SLCO1A2: variants seen among roughly 807,000 people sequenced by gnomAD.
SLCO1A2 encodes solute carrier organic anion transporter family member 1A2.
A neutral mutation model predicts 69.0 loss-of-function variants in SLCO1A2; 67 were observed. That is an observed-to-expected ratio of 0.97 (90% CI 0.80 to 1.19). The LOEUF (loss-of-function observed/expected upper bound fraction) is 1.19, where lower values mean the gene tolerates loss of function less well. Among genes scored for constraint, SLCO1A2 ranks in the 50% most tolerant of loss-of-function variants. The pLI is 0.00. For missense variants in SLCO1A2, 787 were observed against 793.7 expected (o/e 0.99, Z 0.10); for synonymous variants, 260 against 265.9 (o/e 0.98, Z 0.22).
At chr12:21,378,322 T>G in intron 1 of SLCO1A2, 2 of 1,614,120 alleles carry the variant, frequency 1.2e-6, no homozygotes, top group Non-Finnish European at 1.7e-6. Context: ...CAGCAACAAC[T>G]TTGGTGCCAT....
intron 1 of SLCO1A2, among the ~76,000 whole-genome samples, chr12:21,407,474 A>G (rs1349845329): frequency 1.3e-5 from 2 of 152,210 alleles, no homozygotes; most frequent in Non-Finnish European, 2.9e-5. Flanking sequence ...GGTGTGAAGC[A>G]GAAAAATTAC....
At chr12:21,375,372 C>T (rs1337949389) in intron 1 of SLCO1A2, among the ~76,000 whole-genome samples, 1 of 152,124 alleles carries the variant, frequency 6.6e-6, no homozygotes, top group East Asian at 1.9e-4. Context: ...TACTATTCTA[C>T]ATATCTCACA....
At chr12:21,276,227 GAACA>G (rs903823838) in intron 12 of SLCO1A2, among the ~76,000 whole-genome samples, 4 of 151,910 alleles carry the variant, frequency 2.6e-5, no homozygotes, top group African/African-American at 9.7e-5. Context: ...CAAATTATGA[GAACA>G]AATAAGAAAG....
intron 1 of SLCO1A2, among the ~76,000 whole-genome samples, chr12:21,382,374 A>T (rs138234021): frequency 4.6e-5 from 7 of 152,320 alleles, no homozygotes; most frequent in Non-Finnish European, 8.8e-5. Context: ...CATCAGTCAG[A>T]TATAATGTAC....
At chr12:21,290,879 C>T (rs1946741964) in intron 12 of SLCO1A2, among the ~76,000 whole-genome samples, 1 of 151,994 alleles carries the variant, frequency 6.6e-6, no homozygotes, top group Non-Finnish European at 1.5e-5. Flanking sequence ...AGAAAGAAGA[C>T]AGACTAAGTG....
At chr12:21,309,370 A>T (rs1032765444) in intron 4 of SLCO1A2, among the ~76,000 whole-genome samples, 1 of 152,208 alleles carries the variant, frequency 6.6e-6, no homozygotes, top group African/African-American at 2.4e-5. Flanking sequence ...ACAGATTTAT[A>T]CCAAGACAAT....
At chr12:21,332,803 G>A (rs548131663) in intron 2 of SLCO1A2, among the ~76,000 whole-genome samples, 14 of 152,036 alleles carry the variant, frequency 9.2e-5, no homozygotes, top group South Asian at 8.3e-4. Flanking sequence ...ATCACCTCTC[G>A]AAGGCCCCAC....
At chr12:21,398,748 A>T (rs1039596424), upstream of SLCO1A2, among the ~76,000 whole-genome samples, 1 of 150,704 alleles carries the variant, frequency 6.6e-6, no homozygotes, top group Non-Finnish European at 1.5e-5. Context: ...TGTAATCCAC[A>T]TATAAACAGA....
At chr12:21,340,358 T>C (rs1242551269) in intron 2 of SLCO1A2, among the ~76,000 whole-genome samples, 2 of 152,036 alleles carry the variant, frequency 1.3e-5, no homozygotes, top group Non-Finnish European at 2.9e-5. Flanking sequence ...TACACCGTAT[T>C]TGTTACCATT....
chr12:21,372,003 CAAAAAAAAAG>C (rs375081900), intron 2 of SLCO1A2, among the ~76,000 whole-genome samples: 2,828 of 122,606 alleles, frequency 0.023, 94 homozygotes, highest in African/African-American at 0.08. Flanking sequence ...AACTTCATCT[CAAAAAAAAAG>C]AAAAAAAAAG....
In SLCO1A2 at chr12:21,275,431, A is replaced by G; in HGVS notation, c.1611-7T>C. On this transcript the variant is annotated splice_region_variant and splice_polypyrimidine_tract_variant and intron_variant, in intron 12 of 14. Coordinates refer to ENST00000683939, the MANE Select transcript of SLCO1A2 (RefSeq NM_001386879.1). Reference sequence around the variant, plus strand: ...CTCTTCAGATTTCATACACCTGAAAAGTAAATAAGTTTGTAAATAAAAGAA... The same window carrying G: ...CTCTTCAGATTTCATACACCTGAAAGGTAAATAAGTTTGTAAATAAAAGAA... 1 of 1,457,224 alleles carries G rather than the reference A, an allele frequency of 6.9e-7. No homozygotes were observed. The highest frequency in any genetic ancestry group is 9.2e-7 in the Non-Finnish European group (1 of 1,088,792). The allele number at this position is 1,457,224 out of a possible 1,614,324, so 90.3% of individuals were successfully genotyped here.
At position 21,376,535 on chromosome 12, in the gene SLCO1A2, G is replaced by A. The variant is rs190459298; in HGVS notation, c.-189-2010C>T. Among the ~76,000 whole-genome samples, 152 of 152,186 alleles carry A rather than the reference G, an allele frequency of 1.0e-3. 1 individual carries two copies. Among genetic ancestry groups the A allele is most frequent in the Non-Finnish European group, 1.7e-3 (115 of 67,970 alleles). On this transcript the variant is annotated intron_variant, in intron 1 of 15. Transcript: ENST00000307378. The stretch of plus-strand genomic sequence containing the variant: ...ATAGGTTAAATAATTAGATCCCAAA[G>A]TGGTTTTCTTTGCCCAGATAATTTG...
rs1039112335 is a variant in SLCO1A2 at position 21,365,618 on chromosome 12, G to A, written c.-63+8781C>T. Among the ~76,000 whole-genome samples the A allele has an allele frequency of 6.6e-5, 10 of 152,184 alleles. No homozygotes were observed. The South Asian group carries it at 1.0e-3, about 16-fold the overall frequency. ...CATCAGAGTGAACAGGCAACCTACA[G>A]AATGGGAGAAAATTTTTACAATCTA... On this transcript the variant is annotated intron_variant, in intron 2 of 15. Coordinates refer to the SLCO1A2 transcript ENST00000307378.
At chr12:21,386,947 A>T (rs1353412363) in intron 1 of SLCO1A2, among the ~76,000 whole-genome samples, 1 of 152,148 alleles carries the variant, frequency 6.6e-6, no homozygotes, top group Non-Finnish European at 1.5e-5. Flanking sequence ...GCTTTGATCA[A>T]AACACCGATA....
chr12:21,270,193 T>A (rs1942557422), intron 14 of SLCO1A2, among the ~76,000 whole-genome samples: 1 of 151,836 alleles, frequency 6.6e-6, no homozygotes, highest in South Asian at 2.1e-4. Flanking sequence ...AGGAAGTTAT[T>A]TTCTATTGTG....
chr12:21,330,874 A>T (rs61927787), intron 2 of SLCO1A2, among the ~76,000 whole-genome samples: 17,473 of 152,180 alleles, frequency 0.11, 1,096 homozygotes, highest in Non-Finnish European at 0.15. Flanking sequence ...ATTACAACTT[A>T]CACAGACCAT....
intron 2 of SLCO1A2, among the ~76,000 whole-genome samples, chr12:21,371,953 G>T (rs1394119487): frequency 6.6e-6 from 1 of 151,330 alleles, no homozygotes; most frequent in Non-Finnish European, 1.5e-5. Context: ...AGTGAGCCGA[G>T]ATCGCACCCT....
chr12:21,382,212 C>T (rs1441702102), intron 1 of SLCO1A2, among the ~76,000 whole-genome samples: 5 of 152,074 alleles, frequency 3.3e-5, no homozygotes, highest in Admixed American at 6.5e-5. Flanking sequence ...TTATTCTAAG[C>T]GAAGTAACAA....
intron 12 of SLCO1A2, among the ~76,000 whole-genome samples, chr12:21,284,026 G>T (rs1945274841): frequency 6.6e-6 from 1 of 152,084 alleles, no homozygotes; most frequent in Non-Finnish European, 1.5e-5. Context: ...ACTCAAAATA[G>T]AGCTACCATA....
Sources: gnomAD v4.1 joint callset for allele counts (sites outside exome capture counted in the v4.1 genomes callset) on GRCh38, gnomAD v4.1.1 for gene constraint, MANE v1.5 for transcripts, NCBI Gene and HGNC (gene_info 2026-07-23, HGNC 2026-07-21) for gene names.